The following CRB2 variants were observed in gnomAD, a reference collection of about 807,000 sequenced individuals.
CRB2 encodes protein crumbs homolog 2.
CRB2 carries 85 observed loss-of-function variants against 110.9 expected under a neutral mutation model. The observed-to-expected ratio is 0.77, with a 90% CI of 0.64 to 0.92. The LOEUF is 0.92. Among genes scored for constraint, CRB2 ranks in the 40% least tolerant of loss-of-function variants. The probability of loss-of-function intolerance (pLI) is 0.00; values close to 1 mark genes in which losing one functional copy is unlikely to be tolerated. For synonymous variants in CRB2, 907 were observed against 831.0 expected, an observed-to-expected ratio of 1.09 and a Z score of -1.57; for missense variants, 1,843 against 1,851.3, an observed-to-expected ratio of 1.00 and a Z score of 0.08.
At chr9:123,356,856 G>A (rs981274215) in intron 1 of CRB2, among the ~76,000 whole-genome samples, 5 of 152,046 alleles carry the variant, frequency 3.3e-5, no homozygotes, top group African/African-American at 1.2e-4. Flanking sequence ...AGTTGTGTCC[G>A]AGGAGTTGGG....
In CRB2 at chr9:123,376,861, A is replaced by G. The variant is rs961589579; in HGVS notation, c.3657A>G (p.Pro1219=). Residue 1219 remains proline (P), a synonymous_variant, in exon 13 of 13, where the codon CCA becomes CCG. Transcript: ENST00000373631. ...AGAAGGGCCTGCCCCTGCCGCTGCC[A>G]TTCCCACTGCTGGAGGTGGCCGTAC... ...EVAKGLPLPL[P]FPLLEVAVPA... 13 of 1,609,164 alleles carry G rather than the reference A, an allele frequency of 8.1e-6. No individual in the cohort carries two copies. Among genetic ancestry groups the G allele is most frequent in the Non-Finnish European group, 1.1e-5 (13 of 1,179,162 alleles).
upstream of CRB2, among the ~76,000 whole-genome samples, chr9:123,354,126 A>G (rs959883742): frequency 3.9e-5 from 6 of 152,164 alleles, no homozygotes; most frequent in African/African-American, 1.4e-4. Context: ...CCTGCTGTCC[A>G]GCGACTCCCT....
rs889337568 is a variant in CRB2, at chr9:123,373,756, C to T, written c.3225C>T (p.Phe1075=). The T allele has an allele frequency of 1.4e-5, 23 of 1,589,956 alleles. No homozygotes were observed. In the Admixed American group the frequency reaches 2.5e-4, roughly 17 times the overall value. ...ACGACGGTGCCTGCCGTGACCTCTT[C>T]GACGCCTTTGCCTGCGCCTGCGGCC... ...CLHDGACRDL[F]DAFACACGPG... is the part of the protein sequence containing the mutation. Residue 1075 remains phenylalanine, a synonymous_variant, in exon 10 of 13, where the codon TTC becomes TTT. Transcript: ENST00000373631.
intron 1 of CRB2, among the ~76,000 whole-genome samples, chr9:123,359,445 T>TTG (rs1554781709): frequency 3.3e-4 from 40 of 122,286 alleles, no homozygotes; most frequent in African/African-American, 1.5e-3. Context: ...TGTTTTGTTT[T>TTG]TTTTTTTTTT....
chr9:123,355,703 G>T (rs1315238303), upstream of CRB2, among the ~76,000 whole-genome samples: 2 of 145,006 alleles, frequency 1.4e-5, no homozygotes, highest in African/African-American at 5.2e-5. Context: ...CCTTGGCTCC[G>T]ATGGGAGCAC....
rs777713938 is a variant in CRB2 at position 123,373,443 on chromosome 9, C to T, written c.2912C>T (p.Ser971Leu). ...LAMERPAATT[S>L]RWLLWLDGAA... ...ATGGAGCGCCCGGCGGCCACCACCTCGCGCTGGCTGCTGTGGCTGGATGGT... is the reference window on the plus strand; with the variant it reads ...ATGGAGCGCCCGGCGGCCACCACCTTGCGCTGGCTGCTGTGGCTGGATGGT... Residue 971 changes from serine to leucine, a missense_variant, in exon 10 of 13, where the codon TCG becomes TTG. Ser to Leu is a moderately radical substitution (Grantham distance 145). Transcript: ENST00000373631. The T allele has an allele frequency of 4.1e-6, 6 of 1,450,366 alleles. No individual in the cohort carries two copies. The highest frequency in any genetic ancestry group is 3.0e-5 in the African/African-American group (2 of 67,592). The allele number at this position is 1,450,366 out of a possible 1,614,324, so 89.8% of individuals were successfully genotyped here.
intron 9 of CRB2, 27 bp downstream of exon 9, chr9:123,372,369 G>T: frequency 6.4e-7 from 1 of 1,563,472 alleles, no homozygotes. Context: ...GGCAGCTCCC[G>T]TGCTGGGTGC....
chr9:123,379,255 G>A (rs192508024), downstream of CRB2, among the ~76,000 whole-genome samples: 11 of 152,112 alleles, frequency 7.2e-5, no homozygotes, highest in Admixed American at 1.3e-4. Context: ...TCCCCCGCCC[G>A]CCTCCCCGCA....
At chr9:123,370,020 C>T (rs1179687287) in intron 6 of CRB2, 88 bp from the exon 7 acceptor site, 10 of 1,426,492 alleles carry the variant, frequency 7.0e-6, no homozygotes, top group Non-Finnish European at 9.4e-6. Flanking sequence ...GTACTGAGGT[C>T]CCCATCATAA....
In CRB2 at chr9:123,371,576, A is replaced by G; in HGVS notation, c.2434A>G (p.Ser812Gly). ...TAGCVSEDMC[S>G]PDPCFNGGTC... is the part of the protein sequence containing the mutation. ...GGGCTGCGTCTCCGAGGACATGTGC[A>G]GTGTAAGTGTCTGGTGGCGGTGGTG... Residue 812 changes from serine to glycine, a missense_variant and splice_region_variant, in exon 8 of 13, where the codon AGT (serine) becomes GGT (glycine). Transcript: ENST00000373631. The G allele has an allele frequency of 6.2e-7, 1 of 1,612,558 alleles. No individual in the cohort carries two copies. Among genetic ancestry groups the G allele is most frequent in the Non-Finnish European group, 8.5e-7 (1 of 1,180,008 alleles).
rs1386621607 is a variant in CRB2 at position 123,373,142 on chromosome 9, G to A, written c.2611G>A (p.Glu871Lys). The change falls in exon 10 of 13, where the codon GAG (glutamate) becomes AAG (lysine). Residue 871 changes from glutamate to lysine, a missense_variant. Physicochemically the swap from Glu to Lys is moderately conservative, Grantham distance 56 (BLOSUM62 1). Transcript: ENST00000373631. ...GCTCCTTCTCTCCGCAGGTGTGGCG[G>A]AGGCCACGTTCCGCGAGGGTCCCCC... ...EVPDGFVCVA[E>K]ATFREGPPAA... The A allele has an allele frequency of 2.0e-6, 3 of 1,505,694 alleles. No individual in the cohort carries two copies. The highest frequency in any genetic ancestry group is 2.6e-6 in the Non-Finnish European group (3 of 1,132,260). 93.3% of individuals were successfully genotyped at this position (1,505,694 alleles called of 1,614,324 possible). A position where few individuals can be genotyped will look rare whatever the true frequency, so the allele number is the denominator to read the frequency against.
rs2042120607 is a variant in CRB2 at position 123,377,470 on chromosome 9, T to C, written c.*408T>C. ...GCGTGTCTGCCGTGTTTACTGTGTG[T>C]CTATGACTGTGATGGGTGTAGCTGA... On this transcript the variant is annotated 3_prime_UTR_variant, in exon 13 of 13. Coordinates refer to ENST00000373631, the MANE Select transcript of CRB2 (RefSeq NM_173689.7). 5.9e-6 allele frequency: 1 copy of C among 169,052 alleles called. No homozygotes were observed. The highest frequency in any genetic ancestry group is 1.3e-5 in the Non-Finnish European group (1 of 79,520). The allele number at this position is 169,052 out of a possible 1,614,324, so 10.5% of individuals were successfully genotyped here.
At chr9:123,367,980 G>A (rs1393216207) in intron 6 of CRB2, among the ~76,000 whole-genome samples, 5 of 152,014 alleles carry the variant, frequency 3.3e-5, no homozygotes, top group Non-Finnish European at 7.4e-5. Flanking sequence ...GGACAGAGAA[G>A]GAAAGGGGGG....
chr9:123,366,020 A>G lies in CRB2; in HGVS notation c.522A>G (p.Pro174=), dbSNP rs772782064. ...GVGSFRCVCA[P]GYGGTRCQLD... ...GCTCCTTCCGCTGTGTGTGCGCGCC[A>G]GGCTACGGGGGCACCCGTTGCCAGC... Residue 174 remains proline (P), a synonymous_variant, in exon 3 of 13, where the codon CCA becomes CCG. Coordinates refer to ENST00000373631, the MANE Select transcript of CRB2 (RefSeq NM_173689.7). The G allele has an allele frequency of 3.1e-6, 5 of 1,592,350 alleles. No homozygotes were observed. The South Asian group carries it at 5.6e-5, about 18-fold the overall frequency.
chr9:123,368,837 C>T (rs2132767408), intron 6 of CRB2: 2 of 1,247,706 alleles, frequency 1.6e-6, no homozygotes, highest in Non-Finnish European at 2.1e-6. Context: ...TGCCTCCTCC[C>T]CACTTCCCCA....
At chr9:123,358,055 T>C (rs1370107812) in intron 1 of CRB2, among the ~76,000 whole-genome samples, 1 of 152,216 alleles carries the variant, frequency 6.6e-6, no homozygotes, top group East Asian at 1.9e-4. Context: ...GCGCCATCCC[T>C]GGGGATCCCT....
downstream of CRB2, chr9:123,379,644 G>GGGATGCCA (rs1370966356): frequency 6.6e-6 from 1 of 152,302 alleles, no homozygotes; most frequent in Non-Finnish European, 1.5e-5. Context: ...CAAGGACACG[G>GGGATGCCA]GGATGCCAGC....
chr9:123,356,320 G>A lies in CRB2; in HGVS notation c.60G>A (p.Leu20=). The change falls in exon 1 of 13, where the codon CTG becomes CTA. Residue 20 remains leucine (L), a synonymous_variant. Coordinates refer to ENST00000373631, the MANE Select transcript of CRB2 (RefSeq NM_173689.7). ...DPQALASVLL[L]LLWAPALSLL... The stretch of plus-strand genomic sequence containing the variant: ...AGGCCCTGGCCTCTGTCCTGCTACT[G>A]CTGCTCTGGGCCCCTGCCCTTTCCC... The A allele has an allele frequency of 2.6e-6, 4 of 1,547,796 alleles. No homozygotes were observed. The highest frequency in any genetic ancestry group is 1.4e-5 in the African/African-American group (1 of 73,106).
In CRB2 at chr9:123,374,695, G is replaced by C; in HGVS notation, c.3506G>C (p.Arg1169Thr). Residue 1169 changes from arginine (R) to threonine (T), a missense_variant and splice_region_variant, in exon 11 of 13, where the codon AGG becomes ACG. By Grantham distance (71) the Arg-to-Thr change is moderately conservative. Transcript: ENST00000373631. ...CSCLEGLAGQ[R>T]CQVPTLPCEA... ...TGCCTGGAGGGTCTTGCTGGCCAGA[G>C]GTGGGTCTGGGGGCCTGGGAACTGT... 2 of 1,603,836 alleles carry C rather than the reference G, an allele frequency of 1.2e-6. No individual in the cohort carries two copies. Among genetic ancestry groups the C allele is most frequent in the Non-Finnish European group, 1.7e-6 (2 of 1,175,762 alleles).
Sources: allele counts gnomAD v4.1 joint callset (sites outside exome capture counted in the v4.1 genomes callset), GRCh38; gene constraint gnomAD v4.1.1; transcripts MANE v1.5; gene names NCBI Gene and HGNC (gene_info 2026-07-23, HGNC 2026-07-21).